NCOA2: variants seen among roughly 807,000 people sequenced by gnomAD.
NCOA2 encodes nuclear receptor coactivator 2.
NCOA2 carries 21 observed loss-of-function variants against 145.1 expected under a neutral mutation model. The observed-to-expected ratio is 0.14, with a 90% CI of 0.10 to 0.21. NCOA2 has a LOEUF of 0.21. Ranked by LOEUF, NCOA2 falls within the 10% of genes least tolerant of loss-of-function variation. NCOA2 has a pLI of 1.00. For synonymous variants in NCOA2, 619 were observed against 637.5 expected (o/e 0.97, Z 0.44); for missense variants, 1,472 against 1,837.6 (o/e 0.80, Z 3.64).
intron 4 of NCOA2, among the ~76,000 whole-genome samples, chr8:70,197,564 A>G (rs1222313077): frequency 1.3e-5 from 2 of 152,256 alleles, no homozygotes; most frequent in African/African-American, 4.8e-5. Context: ...CCTGATGGCT[A>G]GCACAGTGTT....
intron 1 of NCOA2, among the ~76,000 whole-genome samples, chr8:70,324,632 A>C (rs956152278): frequency 1.8e-4 from 27 of 147,730 alleles, no homozygotes; most frequent in African/African-American, 4.1e-4. Context: ...TCCAACCCCA[A>C]AAAAAAAAAG....
intron 4 of NCOA2, among the ~76,000 whole-genome samples, chr8:70,210,588 G>A (rs1213171193): frequency 6.6e-6 from 1 of 152,072 alleles, no homozygotes; most frequent in Non-Finnish European, 1.5e-5. Context: ...TTAACTAGCT[G>A]GTAATTTCCC....
the NCOA2 span, among the ~76,000 whole-genome samples, chr8:70,431,883 C>G: frequency 2.0e-5 from 3 of 152,122 alleles, no homozygotes; most frequent in Non-Finnish European, 4.4e-5. Context: ...TCATATAGTT[C>G]TGATTTAAAA....
intron 2 of NCOA2, among the ~76,000 whole-genome samples, chr8:70,228,463 TG>T (rs1820860172): frequency 6.6e-6 from 1 of 152,184 alleles, no homozygotes; most frequent in Non-Finnish European, 1.5e-5. Context: ...TAGCCCCAGA[TG>T]GAGAATTATT....
At chr8:70,387,739 G>A (rs527701005) in intron 1 of NCOA2, among the ~76,000 whole-genome samples, 1 of 152,250 alleles carries the variant, frequency 6.6e-6, no homozygotes, top group African/African-American at 2.4e-5. Flanking sequence ...GGGACTAAGG[G>A]CATATGTGAT....
chr8:70,116,781 G>A (rs1807184399), intron 22 of NCOA2, among the ~76,000 whole-genome samples: 1 of 152,236 alleles, frequency 6.6e-6, no homozygotes, highest in Non-Finnish European at 1.5e-5. Flanking sequence ...CAATCAGCAT[G>A]AAGAAAGTGC....
intron 10 of NCOA2, among the ~76,000 whole-genome samples, chr8:70,159,000 C>T (rs942269028): frequency 6.6e-6 from 1 of 151,338 alleles, no homozygotes; most frequent in Non-Finnish European, 1.5e-5. Context: ...TTTGCCAGTA[C>T]AGTTGTTCTT....
chr8:70,241,278 A>C (rs1347005982), intron 2 of NCOA2, among the ~76,000 whole-genome samples: 1 of 152,144 alleles, frequency 6.6e-6, no homozygotes, highest in Non-Finnish European at 1.5e-5. Flanking sequence ...AGATCCCAGA[A>C]CTACAAAGCT....
chr8:70,170,347 C>T lies in NCOA2; in HGVS notation c.396G>A (p.Leu132=). 6.2e-7 allele frequency: 1 copy of T among 1,600,270 alleles called. No homozygotes were observed. The highest frequency in any genetic ancestry group is 8.5e-7 in the Non-Finnish European group (1 of 1,173,060). The part of the protein sequence containing the change: ...ALDGFFFVVN[L]EGNVVFVSEN... ...CTGACACAAACACAACGTTGCCTTC[C>T]AGGTTCACTACAAAGAAGAACCCAT... Residue 132 remains leucine, a synonymous_variant, in exon 6 of 23, where the codon CTG becomes CTA. Transcript: ENST00000452400.
the NCOA2 span, among the ~76,000 whole-genome samples, chr8:70,448,097 C>CTT: frequency 6.7e-6 from 1 of 148,256 alleles, no homozygotes; most frequent in Non-Finnish European, 1.5e-5. Context: ...TTCTAACAGA[C>CTT]TTTTTTTTTT....
rs150647613 is a variant in NCOA2 at position 70,144,365 on chromosome 8, G to C, written c.2812+277C>G. ...TTTTATATATACCCTGCAATGCCTA[G>C]AACAGTAACTGGGATAGAAGTGAAA... On this transcript the variant is annotated intron_variant, in intron 13 of 22. Transcript: ENST00000452400. 9.4e-3 allele frequency among the ~76,000 whole-genome samples: 1,438 copies of C among 152,236 alleles called. 23 individuals are homozygous for C. Among genetic ancestry groups the C allele is most frequent in the African/African-American group, 0.032 (1,340 of 41,524 alleles).
chr8:70,225,222 T>C (rs1421163056), intron 2 of NCOA2, among the ~76,000 whole-genome samples: 2 of 152,020 alleles, frequency 1.3e-5, no homozygotes, highest in Non-Finnish European at 2.9e-5. Flanking sequence ...AAACAAAATA[T>C]TTACCACATC....
chr8:70,412,695 A>G, the NCOA2 span, among the ~76,000 whole-genome samples: 3 of 151,086 alleles, frequency 2.0e-5, no homozygotes, highest in Non-Finnish European at 2.9e-5. Context: ...AATTAAGCCC[A>G]ATGTGAGAAT....
intron 2 of NCOA2, among the ~76,000 whole-genome samples, chr8:70,227,770 T>C (rs970549914): frequency 6.6e-6 from 1 of 152,056 alleles, no homozygotes; most frequent in African/African-American, 2.4e-5. Flanking sequence ...ATCCCAGCAC[T>C]ATGGGAGGCA....
chr8:70,444,306 T>G, the NCOA2 span, among the ~76,000 whole-genome samples: 2 of 152,148 alleles, frequency 1.3e-5, no homozygotes, highest in African/African-American at 4.8e-5. Flanking sequence ...ATTACAGAGA[T>G]GGAAAACAGA....
chr8:70,177,513 G>C (rs1815002024), intron 4 of NCOA2, among the ~76,000 whole-genome samples: 1 of 152,144 alleles, frequency 6.6e-6, no homozygotes, highest in Admixed American at 6.5e-5. Flanking sequence ...TGTGTGGAAA[G>C]ATAAAGTAAT....
At chr8:70,210,287 C>A (rs1439392149) in intron 4 of NCOA2, among the ~76,000 whole-genome samples, 1 of 152,174 alleles carries the variant, frequency 6.6e-6, no homozygotes, top group Non-Finnish European at 1.5e-5. Flanking sequence ...ACTATTTAGT[C>A]TTAGCTAGTA....
chr8:70,453,683 C>T, the NCOA2 span, among the ~76,000 whole-genome samples: 2 of 152,196 alleles, frequency 1.3e-5, no homozygotes, highest in African/African-American at 4.8e-5. Context: ...CTGAAATTGT[C>T]ACACCATCTT....
intron 4 of NCOA2, among the ~76,000 whole-genome samples, chr8:70,193,311 T>A (rs1441816413): frequency 6.6e-6 from 1 of 152,084 alleles, no homozygotes; most frequent in Non-Finnish European, 1.5e-5. Context: ...ATTGGTTTGA[T>A]AGAAAATACC....
Sources: gnomAD v4.1 joint callset for allele counts (sites outside exome capture counted in the v4.1 genomes callset) on GRCh38, gnomAD v4.1.1 for gene constraint, MANE v1.5 for transcripts, NCBI Gene and HGNC (gene_info 2026-07-23, HGNC 2026-07-21) for gene names.